F8: variants seen among roughly 807,000 people sequenced by gnomAD.
F8 encodes the protein antihemophilic factor.
In F8, 12 loss-of-function variants were observed where a neutral mutation model predicts 140.6. That is an observed-to-expected ratio of 0.09 (90% CI 0.05 to 0.14). The LOEUF is 0.14. Ranked by LOEUF, F8 falls within the 10% of genes least tolerant of loss-of-function variation. The probability of loss-of-function intolerance (pLI) is 1.00; values close to 1 mark genes in which losing one functional copy is unlikely to be tolerated. For synonymous variants in F8, 585 were observed against 614.6 expected (o/e 0.95, Z 0.71); for missense variants, 1,354 against 1,720.7 (o/e 0.79, Z 3.77).
intron 6 of F8, among the ~76,000 whole-genome samples, chrX:154,975,428 G>T (rs1260529051): frequency 2.7e-5 from 3 of 111,773 alleles, no homozygotes; most frequent in Non-Finnish European, 5.7e-5. Flanking sequence ...TTATTGGCAG[G>T]AAAAAAATAC....
chrX:154,841,030 C>T (rs1158540782), intron 25 of F8, among the ~76,000 whole-genome samples: 2 of 111,272 alleles, frequency 1.8e-5, no homozygotes, highest in African/African-American at 3.3e-5. Flanking sequence ...GTGATTTATG[C>T]AGGCAGACAT....
chrX:154,985,631 C>T (rs2073554908), intron 5 of F8, among the ~76,000 whole-genome samples: 1 of 111,810 alleles, frequency 8.9e-6, no homozygotes, highest in Non-Finnish European at 1.9e-5. Context: ...CCTGGAGTTA[C>T]CCCTTTGTGT....
chrX:155,009,424 A>C (rs1203791139), intron 1 of F8, among the ~76,000 whole-genome samples: 1 of 111,564 alleles, frequency 9.0e-6, no homozygotes, highest in Non-Finnish European at 1.9e-5. Flanking sequence ...AAGTTACCAC[A>C]GTGCTTTCAC....
At chrX:154,918,050 T>C (rs2073107750) in intron 14 of F8, among the ~76,000 whole-genome samples, 1 of 111,934 alleles carries the variant, frequency 8.9e-6, no homozygotes, top group Non-Finnish European at 1.9e-5. Context: ...CTGGCTTAGT[T>C]TGGTTTTTCA....
At chrX:154,996,920 T>C in intron 3 of F8, 53 bp downstream of exon 3, 1 of 1,190,076 alleles carries the variant, frequency 8.4e-7, no homozygotes, top group Non-Finnish European at 1.1e-6. Context: ...AGCACACACA[T>C]CTCACTGTTC....
At chrX:154,855,953 G>A (rs952357707) in intron 25 of F8, among the ~76,000 whole-genome samples, 1 of 111,547 alleles carries the variant, frequency 9.0e-6, no homozygotes, top group Admixed American at 9.6e-5. Context: ...TGGAAGGCAC[G>A]TAAAGTTGGA....
intron 13 of F8, among the ~76,000 whole-genome samples, chrX:154,940,446 G>A (rs1557279651): frequency 8.9e-6 from 1 of 111,835 alleles, no homozygotes; most frequent in African/African-American, 3.3e-5. Flanking sequence ...AAAATGAAGT[G>A]TGAAGATAAG....
intron 1 of F8, among the ~76,000 whole-genome samples, chrX:155,013,499 T>G: frequency 8.9e-6 from 1 of 111,856 alleles, no homozygotes; most frequent in East Asian, 2.8e-4. Context: ...CTTTCCTTTA[T>G]AAATTACCCA....
rs374495448 is a variant in F8, at chrX:154,902,154, T to C, written c.6012A>G (p.Thr2004=). ...LYNLYPGVFE[T]VEMLPSKAGI... ...CAGCTTTGGATGGTAACATTTCCAC[T>C]GTCTCAAAAACACCTTATAAAAACC... Residue 2004 remains threonine (T), a synonymous_variant, in exon 19 of 26, where the codon ACA becomes ACG. Coordinates refer to ENST00000360256, the MANE Select transcript of F8 (RefSeq NM_000132.4). The C allele has an allele frequency of 7.5e-6, 9 of 1,200,694 alleles. No homozygotes were observed. In the Middle Eastern group the frequency reaches 6.9e-4, roughly 92 times the overall value.
At chrX:154,920,226 T>C (rs1443492614) in intron 14 of F8, 1 of 110,607 alleles carries the variant, frequency 9.0e-6, no homozygotes, top group Non-Finnish European at 1.9e-5. Context: ...TTTTTTTTTT[T>C]AGATCCTTTG....
At chrX:154,942,321 A>G (rs1182167711) in intron 13 of F8, among the ~76,000 whole-genome samples, 4 of 111,331 alleles carry the variant, frequency 3.6e-5, no homozygotes, top group Non-Finnish European at 7.6e-5. Context: ...GCAATAAAAA[A>G]TGATAAAGGG....
At chrX:154,958,944 C>T (rs1249663301) in intron 10 of F8, among the ~76,000 whole-genome samples, 2 of 111,637 alleles carry the variant, frequency 1.8e-5, no homozygotes, top group East Asian at 5.6e-4. Context: ...GTCTGTCTGC[C>T]CATCATGTGA....
chrX:155,000,826 T>C (rs1331780702), intron 1 of F8, among the ~76,000 whole-genome samples: 22 of 111,775 alleles, frequency 2.0e-4, no homozygotes, highest in Non-Finnish European at 1.9e-4. Context: ...ATGTGAAAGA[T>C]GGAGAACAGC....
At position 154,930,010 on chromosome X, in the gene F8, G is replaced by T. The variant is rs1800291; in HGVS notation, c.3780C>A (p.Asp1260Glu). The T allele has an allele frequency of 7.5e-6, 9 of 1,207,831 alleles. No individual in the cohort carries two copies. The highest frequency in any genetic ancestry group is 2.2e-5 in the Admixed American group (1 of 45,577). ...STRQNVEGSY[D>E]GAYAPVLQDF... ...CTTGAAGTACTGGAGCATATGCCCC[G>T]TCATATGAACCTTCTACATTTTGCC... The change falls in exon 14 of 26, where the codon GAC becomes GAA. Residue 1260 changes from aspartate to glutamate, a missense_variant. By Grantham distance (45) the Asp-to-Glu change is conservative. Transcript: ENST00000360256.
chrX:154,866,759 T>C, intron 22 of F8, among the ~76,000 whole-genome samples: 2 of 100,436 alleles, frequency 2.0e-5, no homozygotes, highest in South Asian at 4.2e-4. Context: ...ACATATGAAA[T>C]AAACAACCCA....
intron 9 of F8, among the ~76,000 whole-genome samples, chrX:154,964,580 C>T (rs1374278833): frequency 5.4e-5 from 6 of 111,683 alleles, no homozygotes; most frequent in Non-Finnish European, 1.1e-4. Flanking sequence ...ATAAAGAAGA[C>T]ATTTTCAAAT....
At position 154,929,061 on chromosome X, in the gene F8, G is replaced by A. The variant is rs2073176559; in HGVS notation, c.4729C>T (p.Pro1577Ser). 3 of 1,211,177 alleles carry A rather than the reference G, an allele frequency of 2.5e-6. No individual in the cohort carries two copies. The highest frequency in any genetic ancestry group is 1.1e-6 in the Non-Finnish European group (1 of 895,258). ...GCAAGAGGATCCAATAGCTTGGAGG[G>A]AGTCTTTGCAGAGCTTTCTGTTGCT... ...RVATESSAKT[P>S]SKLLDPLAWD... The change falls in exon 14 of 26, where the codon CCC becomes TCC. Residue 1577 changes from proline (P) to serine (S), a missense_variant. Around this residue, in one of 4 missense-constraint regions of F8, gnomAD observed 658 missense variants for 666.5 expected, o/e 0.99. Coordinates refer to ENST00000360256, the MANE Select transcript of F8 (RefSeq NM_000132.4).
intron 22 of F8, 93 bp from the exon 23 acceptor site, chrX:154,863,320 G>T: frequency 2.3e-6 from 2 of 877,550 alleles, no homozygotes; most frequent in Non-Finnish European, 3.3e-6. Context: ...TTTGCTTTGT[G>T]CGTTTCTCAA....
chrX:154,929,529 T>C lies in F8; in HGVS notation c.4261A>G (p.Ile1421Val), dbSNP rs782592780. 9 of 1,209,967 alleles carry C rather than the reference T, an allele frequency of 7.4e-6. No homozygotes were observed. The highest frequency in any genetic ancestry group is 8.9e-6 in the Non-Finnish European group (8 of 893,993). The change falls in exon 14 of 26, where the codon ATA becomes GTA. Residue 1421 changes from isoleucine (I) to valine (V), a missense_variant. Ile to Val is a conservative substitution (Grantham distance 29). Around this residue, in one of 4 missense-constraint regions of F8, gnomAD observed 658 missense variants for 666.5 expected, o/e 0.99. Transcript: ENST00000360256. ...TGGAATAGGACCCTGGTCAGATATA[T>C]AGGTCTAATAGATGGAAATGATGAT... Reference protein sequence around the residue: ...KVSSFPSIRPIYLTRVLFQDN... With the variant: ...KVSSFPSIRPVYLTRVLFQDN...
Sources: allele counts gnomAD v4.1 joint callset (sites outside exome capture counted in the v4.1 genomes callset), GRCh38; gene constraint gnomAD v4.1.1; regional missense constraint gnomAD v4.1.1; transcripts MANE v1.5; gene names NCBI Gene and HGNC (gene_info 2026-07-23, HGNC 2026-07-21).